Variants in HMCN2 observed in about 807,000 individuals in gnomAD.
The protein encoded by HMCN2 is hemicentin 2.
Under a neutral mutation model 377.5 loss-of-function variants are expected in HMCN2, and 325 were observed. The observed-to-expected ratio is 0.86, with a 90% CI of 0.79 to 0.94. HMCN2 has a LOEUF of 0.94. Among genes scored for constraint, HMCN2 ranks in the 40% least tolerant of loss-of-function variants. The pLI, the probability that HMCN2 is intolerant of heterozygous loss-of-function variation, is 0.00. For synonymous variants in HMCN2, 2,007 were observed against 2,046.8 expected, an observed-to-expected ratio of 0.98 and a Z score of 0.53; for missense variants, 4,543 against 4,725.3, an observed-to-expected ratio of 0.96 and a Z score of 1.13.
In HMCN2 at chr9:130,299,082, A is replaced by G. The variant is rs1836327369; in HGVS notation, c.1070A>G (p.Asp357Gly). The change falls in exon 8 of 98, where the codon GAC becomes GGC. Residue 357 changes from aspartate to glycine, a missense_variant. Asp to Gly is a moderately conservative substitution (Grantham distance 94). Around this residue, in one of 5 missense-constraint regions of HMCN2, gnomAD observed 547 missense variants for 189.9 expected, o/e 2.88. Coordinates refer to ENST00000683500, the MANE Select transcript of HMCN2 (RefSeq NM_001291815.2). ...GGCCTGAAGGCACCCGGCCGCCTAG[A>G]CTCGGTGGAGCTGGCACAAAGCTCA... ...STGLKAPGRL[D>G]SVELAQSSGK... 1 of 470,630 alleles carries G rather than the reference A, an allele frequency of 2.1e-6. No homozygotes were observed. The highest frequency in any genetic ancestry group is 1.5e-5 in the South Asian group (1 of 64,524). 29.2% of individuals were successfully genotyped at this position (470,630 alleles called of 1,614,324 possible).
At chr9:130,404,009 C>T (rs186166177) in intron 80 of HMCN2, 134 bp downstream of exon 80, 3 of 768,594 alleles carry the variant, frequency 3.9e-6, no homozygotes, top group African/African-American at 3.7e-5. Flanking sequence ...AAACATCTCT[C>T]ATTGTGCGCC....
intron 14 of HMCN2, among the ~76,000 whole-genome samples, chr9:130,309,160 C>T (rs181877109): frequency 1.1e-4 from 16 of 152,144 alleles, no homozygotes; most frequent in East Asian, 5.8e-4. Context: ...TTTAAAAGGG[C>T]GGTTAGAATC....
chr9:130,394,624 G>A lies in HMCN2; in HGVS notation c.10692+49G>A, dbSNP rs1181539350. 2 of 1,227,920 alleles carry A rather than the reference G, an allele frequency of 1.6e-6. No individual in the cohort carries two copies. Among genetic ancestry groups the A allele is most frequent in the Non-Finnish European group, 1.1e-6 (1 of 951,960 alleles). 76.1% of individuals were successfully genotyped at this position (1,227,920 alleles called of 1,614,324 possible). A position where few individuals can be genotyped will look rare whatever the true frequency, so the allele number is the denominator to read the frequency against. ...CGAGGCTGGGGGTTGGGGGAGAGGG[G>A]AGGGACTGCAGGTTCCCCAGACCCA... On this transcript the variant is annotated intron_variant, in intron 69 of 97. Coordinates refer to ENST00000683500, the MANE Select transcript of HMCN2 (RefSeq NM_001291815.2). The surrounding 1 kb of genome is among the most constrained non-coding windows in gnomAD (Gnocchi z 5.1).
chr9:130,318,395 C>T (rs1239470747), intron 15 of HMCN2, among the ~76,000 whole-genome samples: 2 of 152,102 alleles, frequency 1.3e-5, no homozygotes, highest in East Asian at 3.9e-4. Context: ...GGACAAGGAC[C>T]TGAGGATGGT....
At chr9:130,431,123 G>A in intron 95 of HMCN2, 1 of 575,530 alleles carries the variant, frequency 1.7e-6, no homozygotes, top group African/African-American at 1.9e-5. Flanking sequence ...GGGTCTGCGG[G>A]GTGGTGCTGC....
Position 130,325,809 on chromosome 9 carries a change from A to G in HMCN2, c.3034-2A>G, listed in dbSNP as rs2131417036. Reference sequence around the variant, plus strand: ...CCGATGTCACCTGTGCCTCTGCCCTAGGAAACCAATGCCCTGACCTCCAGA... The same window carrying G: ...CCGATGTCACCTGTGCCTCTGCCCTGGGAAACCAATGCCCTGACCTCCAGA... On this transcript the variant is annotated splice_acceptor_variant, in intron 20 of 97. Coordinates refer to ENST00000683500, the MANE Select transcript of HMCN2 (RefSeq NM_001291815.2). LOFTEE classifies it high-confidence loss of function. 1 of 152,380 alleles carries G rather than the reference A, an allele frequency of 6.6e-6. No homozygotes were observed. The highest frequency in any genetic ancestry group is 1.9e-4 in the East Asian group (1 of 5,180). The allele number at this position is 152,380 out of a possible 1,614,324, so 9.4% of individuals were successfully genotyped here.
chr9:130,385,002 T>C (rs969215417), intron 59 of HMCN2, among the ~76,000 whole-genome samples: 4 of 152,046 alleles, frequency 2.6e-5, no homozygotes, highest in African/African-American at 9.7e-5. Context: ...CCAAGCCTTG[T>C]GTGGTGGGGG....
intron 94 of HMCN2, 108 bp downstream of exon 94, chr9:130,429,793 C>A: frequency 6.9e-7 from 1 of 1,441,376 alleles, no homozygotes; most frequent in South Asian, 1.5e-5. Flanking sequence ...CACCCTCTGG[C>A]CAGCACCTCA....
chr9:130,349,096 G>C lies in HMCN2; in HGVS notation c.4268G>C (p.Gly1423Ala), dbSNP rs752540562. Residue 1423 changes from glycine (G) to alanine (A), a missense_variant, in exon 28 of 98, where the codon GGC (glycine) becomes GCC (alanine). This residue lies in a region of HMCN2 where 1,032 missense variants were observed against 1,285.1 expected (regional missense o/e 0.80). Coordinates refer to ENST00000683500, the MANE Select transcript of HMCN2 (RefSeq NM_001291815.2). ...TCCTGCCGGGCAGAGAACCAGGCTG[G>C]CACCGCCCAGAGGGACTTCCATCTC... ...LYSCRAENQA[G>A]TAQRDFHLLV... The C allele has an allele frequency of 7.7e-7, 1 of 1,304,196 alleles. No individual in the cohort carries two copies. Among genetic ancestry groups the C allele is most frequent in the South Asian group, 1.2e-5 (1 of 81,026 alleles). The allele number at this position is 1,304,196 out of a possible 1,614,324, so 80.8% of individuals were successfully genotyped here. A position where few individuals can be genotyped will look rare whatever the true frequency, so the allele number is the denominator to read the frequency against.
chr9:130,359,408 C>T lies in HMCN2; in HGVS notation c.5767C>T (p.Pro1923Ser), dbSNP rs1035842571. 1.5e-6 allele frequency: 2 copies of T among 1,300,926 alleles called. No homozygotes were observed. The highest frequency in any genetic ancestry group is 1.5e-5 in the African/African-American group (1 of 65,792). 80.6% of individuals were successfully genotyped at this position (1,300,926 alleles called of 1,614,324 possible). Residue 1923 changes from proline to serine, a missense_variant, in exon 37 of 98, where the codon CCT becomes TCT. Transcript: ENST00000683500. ...GGAGTGTCTGGCTTCGGGCGTGCCC[C>T]CTCCTGGTAAGACCCCTCCTCTTGG... Reference protein sequence around the residue: ...TLECLASGVPPPDVSWFKGHQ... With the variant: ...TLECLASGVPSPDVSWFKGHQ...
At chr9:130,316,602 G>A (rs1482992012) in intron 15 of HMCN2, among the ~76,000 whole-genome samples, 5 of 152,286 alleles carry the variant, frequency 3.3e-5, no homozygotes, top group African/African-American at 1.2e-4. Context: ...GCTGACAAGA[G>A]GCTCCTCCAG....
chr9:130,425,599 T>G, intron 89 of HMCN2, 88 bp from the exon 90 acceptor site: 1 of 976,434 alleles, frequency 1.0e-6, no homozygotes. Context: ...AGTTGAAATC[T>G]CAGCATTTTC....
rs957131602 is a variant in HMCN2, at chr9:130,349,017, G to A, written c.4189G>A (p.Glu1397Lys). Residue 1397 changes from glutamate to lysine, a missense_variant, in exon 28 of 98, where the codon GAG becomes AAG. Glu to Lys is a moderately conservative substitution (Grantham distance 56). Coordinates refer to ENST00000683500, the MANE Select transcript of HMCN2 (RefSeq NM_001291815.2). ...PKVGGHRLLDEGQSLHFPRIQ... is the reference protein window; with the variant it reads ...PKVGGHRLLDKGQSLHFPRIQ... ...GGTGGGCGGCCACCGCCTCCTGGACGAGGGCCAGTCCCTCCACTTCCCCAG... is the reference window on the plus strand; with the variant it reads ...GGTGGGCGGCCACCGCCTCCTGGACAAGGGCCAGTCCCTCCACTTCCCCAG... 7.8e-5 allele frequency: 102 copies of A among 1,304,036 alleles called. No individual in the cohort carries two copies. Among genetic ancestry groups the A allele is most frequent in the Non-Finnish European group, 9.6e-5 (95 of 988,926 alleles). The allele number at this position is 1,304,036 out of a possible 1,614,324, so 80.8% of individuals were successfully genotyped here.
chr9:130,382,622 C>T, intron 55 of HMCN2, 57 bp from the exon 56 acceptor site: 1 of 733,612 alleles, frequency 1.4e-6, no homozygotes, highest in Non-Finnish European at 1.7e-6. Flanking sequence ...CCTCCACGGC[C>T]ACCCCCGCCC....
chr9:130,309,093 G>A (rs552152489), intron 14 of HMCN2, among the ~76,000 whole-genome samples: 2 of 152,328 alleles, frequency 1.3e-5, no homozygotes, highest in Admixed American at 6.5e-5. Context: ...GGTTCAGATC[G>A]TCAATCTTAT....
chr9:130,390,329 G>T (rs922532007), intron 62 of HMCN2, among the ~76,000 whole-genome samples: 15 of 151,340 alleles, frequency 9.9e-5, no homozygotes, highest in African/African-American at 3.7e-4. Flanking sequence ...CTTGTTTCAT[G>T]GCCCCCACCC....
At chr9:130,349,748 T>G in intron 29 of HMCN2, 85 bp downstream of exon 29, 1 of 1,213,974 alleles carries the variant, frequency 8.2e-7, no homozygotes, top group Non-Finnish European at 1.1e-6. Context: ...GGTTGAACTC[T>G]TCTTGGGGAG....
chr9:130,301,443 C>G (rs1836505084), intron 8 of HMCN2, among the ~76,000 whole-genome samples: 1 of 152,252 alleles, frequency 6.6e-6, no homozygotes, highest in African/African-American at 2.4e-5. Context: ...CTTCCCCGCC[C>G]TCCAGGTCTG....
chr9:130,389,836 C>A (rs1842214684), intron 62 of HMCN2, among the ~76,000 whole-genome samples: 3 of 152,186 alleles, frequency 2.0e-5, no homozygotes, highest in African/African-American at 7.2e-5. Flanking sequence ...CGGCCTCCCA[C>A]AGTGCTGGGA....
Sources: gnomAD v4.1 joint callset for allele counts (sites outside exome capture counted in the v4.1 genomes callset) on GRCh38, gnomAD v4.1.1 for gene constraint, gnomAD v4.1.1 regional missense constraint, Gnocchi (gnomAD v3.1) non-coding constraint, MANE v1.5 for transcripts, NCBI Gene and HGNC (gene_info 2026-07-23, HGNC 2026-07-21) for gene names.